Variants in CYP4X1 observed in about 807,000 individuals in gnomAD.
The protein encoded by CYP4X1 is cytochrome P450 4X1.
A neutral mutation model predicts 57.9 loss-of-function variants in CYP4X1; 44 were observed. The observed-to-expected ratio is 0.76, with a 90% CI of 0.60 to 0.98. CYP4X1 has a LOEUF of 0.98. Among genes scored for constraint, CYP4X1 ranks in the 50% least tolerant of loss-of-function variants. The pLI is 0.00. For missense variants in CYP4X1, 532 were observed against 623.9 expected (o/e 0.85, Z 1.57); for synonymous variants, 227 against 228.6 (o/e 0.99, Z 0.06).
chr1:46,987,853 C>T, the CYP4X1 span, among the ~76,000 whole-genome samples: 1 of 152,130 alleles, frequency 6.6e-6, no homozygotes, highest in Non-Finnish European at 1.5e-5. Flanking sequence ...AAACACAAAA[C>T]ATACCAGAAT....
chr1:47,036,174 A>G lies in CYP4X1; in HGVS notation c.775+3A>G, dbSNP rs1344172710. On this transcript the variant is annotated splice_donor_region_variant and intron_variant, in intron 6 of 11. Transcript: ENST00000371901. ...CCGAGTGTTGAATCAGTACACAGGT[A>G]TTTGTTGGGTTTGGGTTGCCCACGT... 1.2e-6 allele frequency: 2 copies of G among 1,603,784 alleles called. No homozygotes were observed. Among genetic ancestry groups the G allele is most frequent in the Non-Finnish European group, 1.7e-6 (2 of 1,173,064 alleles).
rs777294133 is a variant in CYP4X1 at position 47,035,844 on chromosome 1, C to G, written c.531C>G (p.Ser177Arg). The G allele has an allele frequency of 6.2e-7, 1 of 1,613,422 alleles. No individual in the cohort carries two copies. The highest frequency in any genetic ancestry group is 1.3e-5 in the African/African-American group (1 of 74,966). The change falls in exon 5 of 12, where the codon AGC becomes AGG. Residue 177 changes from serine to arginine, a missense_variant. Ser to Arg is a moderately radical substitution (Grantham distance 110, BLOSUM62 -1). Transcript: ENST00000371901. ...AGATTTGCAGCACTCAGGACACAAG[C>G]GTGGAGGTCTATGAGCACATCAACT... Reference protein sequence around the residue: ...WEKICSTQDTSVEVYEHINSM... With the variant: ...WEKICSTQDTRVEVYEHINSM...
chr1:46,963,380 G>A, the CYP4X1 span, among the ~76,000 whole-genome samples: 147,610 of 151,122 alleles, frequency 0.98, 72,174 homozygotes, highest in East Asian at 1. Flanking sequence ...ATGTTTTTGC[G>A]GTGGCTGGTA....
chr1:47,046,918 G>A (rs1051694932), intron 9 of CYP4X1, among the ~76,000 whole-genome samples: 3 of 152,156 alleles, frequency 2.0e-5, no homozygotes, highest in South Asian at 2.1e-4. Context: ...GTTTGAGACC[G>A]AGCTGAAACT....
the CYP4X1 span, among the ~76,000 whole-genome samples, chr1:47,013,044 G>T: frequency 6.6e-6 from 1 of 151,986 alleles, no homozygotes. Context: ...CTAGGGGAAA[G>T]GTCACCATAC....
the CYP4X1 span, among the ~76,000 whole-genome samples, chr1:47,006,639 G>A: frequency 8.3e-4 from 127 of 152,248 alleles, no homozygotes; most frequent in Admixed American, 1.4e-3. Flanking sequence ...GAGTCATCGC[G>A]TCACCCAGGA....
At chr1:46,997,176 T>G in the CYP4X1 span, among the ~76,000 whole-genome samples, 1 of 152,332 alleles carries the variant, frequency 6.6e-6, no homozygotes, top group East Asian at 1.9e-4. Flanking sequence ...TTAAAGTGAT[T>G]TATTTACTAA....
At chr1:47,035,639 C>T (rs549506699) in intron 4 of CYP4X1, among the ~76,000 whole-genome samples, 167 bp from the exon 5 acceptor site, 15 of 152,172 alleles carry the variant, frequency 9.9e-5, no homozygotes, top group South Asian at 2.1e-4. Flanking sequence ...TTCCCTTCCT[C>T]GTGCCCTGTG....
At chr1:46,977,486 A>T in the CYP4X1 span, among the ~76,000 whole-genome samples, 1 of 152,258 alleles carries the variant, frequency 6.6e-6, no homozygotes, top group South Asian at 2.1e-4. Flanking sequence ...TGAAAAGATC[A>T]AATCTACATC....
the CYP4X1 span, among the ~76,000 whole-genome samples, chr1:46,963,464 C>G: frequency 6.6e-6 from 1 of 151,568 alleles, no homozygotes; most frequent in Admixed American, 6.6e-5. Flanking sequence ...GACAAAATCT[C>G]TCAGCATTTG....
At chr1:47,053,872 C>T (rs568850111), downstream of CYP4X1, among the ~76,000 whole-genome samples, 233 of 152,182 alleles carry the variant, frequency 1.5e-3, 1 homozygote, top group African/African-American at 5.3e-3. Context: ...GTAGGTTGCC[C>T]ATTCAGTGTG....
upstream of CYP4X1, among the ~76,000 whole-genome samples, chr1:47,018,702 G>T (rs1471972510): frequency 6.6e-6 from 1 of 152,170 alleles, no homozygotes; most frequent in Non-Finnish European, 1.5e-5. Flanking sequence ...GTTTTCTTCT[G>T]AAGTTTAAGT....
At chr1:46,980,530 ATC>A in the CYP4X1 span, among the ~76,000 whole-genome samples, 1 of 152,216 alleles carries the variant, frequency 6.6e-6, no homozygotes, top group Non-Finnish European at 1.5e-5. Context: ...AAAAATCAAT[ATC>A]GTGAAAATGG....
intron 8 of CYP4X1, among the ~76,000 whole-genome samples, chr1:47,043,712 A>G (rs936841804): frequency 1.2e-4 from 19 of 152,170 alleles, no homozygotes; most frequent in Non-Finnish European, 2.4e-4. Flanking sequence ...TGGCTTGCCA[A>G]TTATCCCAGT....
chr1:47,030,428 G>T (rs981808813), intron 2 of CYP4X1, among the ~76,000 whole-genome samples: 2 of 152,186 alleles, frequency 1.3e-5, no homozygotes, highest in Middle Eastern at 6.8e-3. Flanking sequence ...TATGACTTCA[G>T]TGTCAGCAAC....
chr1:46,979,100 G>T, the CYP4X1 span, among the ~76,000 whole-genome samples: 1 of 152,118 alleles, frequency 6.6e-6, no homozygotes, highest in Non-Finnish European at 1.5e-5. Context: ...TCAAAAGCTA[G>T]CAGAAGGCAA....
the CYP4X1 span, among the ~76,000 whole-genome samples, chr1:47,010,661 C>G: frequency 6.6e-6 from 1 of 152,106 alleles, no homozygotes; most frequent in Non-Finnish European, 1.5e-5. Flanking sequence ...TCTAGAAAAC[C>G]CCATCGTCTC....
At chr1:46,993,661 A>G in the CYP4X1 span, among the ~76,000 whole-genome samples, 1 of 152,000 alleles carries the variant, frequency 6.6e-6, no homozygotes, top group Non-Finnish European at 1.5e-5. Flanking sequence ...TGCGGTTTTG[A>G]TTTGCATTTC....
At chr1:47,004,260 T>G in the CYP4X1 span, among the ~76,000 whole-genome samples, 1 of 152,256 alleles carries the variant, frequency 6.6e-6, no homozygotes, top group Non-Finnish European at 1.5e-5. Context: ...GCTTTGCTTT[T>G]GTTGCTTCAT....
Sources: allele counts gnomAD v4.1 joint callset (sites outside exome capture counted in the v4.1 genomes callset), GRCh38; gene constraint gnomAD v4.1.1; transcripts MANE v1.5; gene names NCBI Gene and HGNC (gene_info 2026-07-23, HGNC 2026-07-21).